TPTE: variants seen among roughly 807,000 people sequenced by gnomAD.
The protein encoded by TPTE is transmembrane phosphatase with tensin homology.
In TPTE, 59 loss-of-function variants were observed where a neutral mutation model predicts 84.1. The ratio of observed to expected loss-of-function variants is 0.70; its 90% confidence interval spans 0.57 to 0.87. TPTE has a LOEUF of 0.87. Among genes scored for constraint, TPTE ranks in the 40% least tolerant of loss-of-function variants. TPTE has a pLI of 0.00. For synonymous variants in TPTE, 130 were observed against 223.5 expected, an observed-to-expected ratio of 0.58 and a Z score of 3.73; for missense variants, 382 against 659.6, an observed-to-expected ratio of 0.58 and a Z score of 4.61.
intron 7 of TPTE, among the ~76,000 whole-genome samples, chr21:10,552,377 T>A (rs2074591538): frequency 6.6e-6 from 1 of 152,280 alleles, no homozygotes; most frequent in Non-Finnish European, 1.5e-5. Context: ...ATATACATAT[T>A]CTTTTATATA....
chr21:10,551,762 T>C (rs2074579957), intron 7 of TPTE, among the ~76,000 whole-genome samples: 2 of 152,296 alleles, frequency 1.3e-5, no homozygotes, highest in Admixed American at 1.3e-4. Context: ...TAAAAATAAT[T>C]ATTAGAGACT....
chr21:10,555,374 T>C (rs566522914), intron 8 of TPTE, among the ~76,000 whole-genome samples: 125 of 152,350 alleles, frequency 8.2e-4, no homozygotes, highest in Non-Finnish European at 1.4e-3. Context: ...GCCCAGCTAA[T>C]TTTTTGTATT....
At chr21:10,560,034 CA>C (rs1436071743) in intron 9 of TPTE, among the ~76,000 whole-genome samples, 1 of 152,302 alleles carries the variant, frequency 6.6e-6, no homozygotes, top group Non-Finnish European at 1.5e-5. Context: ...CCATGTGCCC[CA>C]TCTAATGTAA....
intron 3 of TPTE, among the ~76,000 whole-genome samples, chr21:10,536,187 A>C (rs1005141441): frequency 6.6e-6 from 1 of 152,304 alleles, no homozygotes; most frequent in Non-Finnish European, 1.5e-5. Context: ...CTGAGGAAGG[A>C]GAATTGCTTG....
intron 17 of TPTE, among the ~76,000 whole-genome samples, chr21:10,589,347 G>C (rs1600965076): frequency 6.6e-6 from 1 of 152,410 alleles, no homozygotes; most frequent in South Asian, 2.1e-4. Flanking sequence ...TGGCGCCATG[G>C]GTAAGAGCTG....
intron 6 of TPTE, among the ~76,000 whole-genome samples, chr21:10,543,050 T>A (rs1600872762): frequency 1.1e-5 from 1 of 93,928 alleles, no homozygotes; most frequent in South Asian, 3.4e-4. Context: ...TGAGACGGAG[T>A]CTCGCTCTGT....
intron 10 of TPTE, among the ~76,000 whole-genome samples, chr21:10,563,046 T>A (rs1489448371): frequency 6.6e-6 from 1 of 152,310 alleles, no homozygotes; most frequent in African/African-American, 2.4e-5. Flanking sequence ...GGCGCTACAA[T>A]ATATCTGGCA....
chr21:10,597,235 A>G (rs1053668008), intron 20 of TPTE, among the ~76,000 whole-genome samples: 61 of 152,340 alleles, frequency 4.0e-4, no homozygotes, highest in South Asian at 2.1e-4. Context: ...TTTTGGATAT[A>G]ACTATCGTAT....
At chr21:10,570,751 T>G (rs2075026740) in intron 14 of TPTE, among the ~76,000 whole-genome samples, 1 of 152,312 alleles carries the variant, frequency 6.6e-6, no homozygotes, top group South Asian at 2.1e-4. Flanking sequence ...TAACAGCAAC[T>G]ATTTATTTGG....
intron 8 of TPTE, among the ~76,000 whole-genome samples, 188 bp downstream of exon 8, chr21:10,552,904 T>A (rs1003290918): frequency 2.6e-5 from 4 of 152,282 alleles, no homozygotes; most frequent in East Asian, 1.9e-4. Context: ...GAAAAAAAAA[T>A]TCCATCCATT....
At chr21:10,587,623 C>T (rs2075390372) in intron 17 of TPTE, among the ~76,000 whole-genome samples, 1 of 152,236 alleles carries the variant, frequency 6.6e-6, no homozygotes, top group Non-Finnish European at 1.5e-5. Flanking sequence ...AGTCTTGGCT[C>T]ACTGCAACCT....
intron 8 of TPTE, among the ~76,000 whole-genome samples, chr21:10,556,524 G>A (rs1190869224): frequency 1.2e-4 from 19 of 152,422 alleles, no homozygotes; most frequent in Non-Finnish European, 2.4e-4. Context: ...TGTCTTTATA[G>A]CAGCATGATT....
At chr21:10,579,001 ATATT>A (rs1188943637) in intron 17 of TPTE, among the ~76,000 whole-genome samples, 1 of 152,312 alleles carries the variant, frequency 6.6e-6, no homozygotes, top group African/African-American at 2.4e-5. Context: ...AAAAACCAAT[ATATT>A]TATGGTGTAC....
Position 10,605,288 on chromosome 21 carries a change from A to T in TPTE, c.1521-129A>T, listed in dbSNP as rs1334054645. 3 of 1,311,194 alleles carry T rather than the reference A, an allele frequency of 2.3e-6. No homozygotes were observed. In the African/African-American group the frequency reaches 4.5e-5, roughly 20 times the overall value. The allele number at this position is 1,311,194 out of a possible 1,614,324, so 81.2% of individuals were successfully genotyped here. ...GTGGAAGGAGCCAACTGAGACACAA[A>T]AAAAGGGCTGAGGTTCTATTCATGG... On this transcript the variant is annotated intron_variant, in intron 23 of 23. Transcript: ENST00000618007.
At chr21:10,545,205 G>A (rs1215753461) in intron 7 of TPTE, among the ~76,000 whole-genome samples, 1 of 151,982 alleles carries the variant, frequency 6.6e-6, no homozygotes, top group Non-Finnish European at 1.5e-5. Context: ...AAAATACGGA[G>A]AGAAAGAAGA....
chr21:10,558,179 ATG>A (rs1479290499), intron 8 of TPTE, among the ~76,000 whole-genome samples: 1 of 152,308 alleles, frequency 6.6e-6, no homozygotes, highest in Non-Finnish European at 1.5e-5. Flanking sequence ...GGTTGATTCC[ATG>A]TCTTTGCTAT....
intron 10 of TPTE, among the ~76,000 whole-genome samples, chr21:10,565,525 C>A (rs1287564658): frequency 6.6e-6 from 1 of 152,310 alleles, no homozygotes; most frequent in East Asian, 1.9e-4. Context: ...TTATATGGAG[C>A]CACAAAAGAC....
chr21:10,590,475 T>C lies in TPTE; in HGVS notation c.1041T>C (p.Thr347=), dbSNP rs1340875198. ...TTTCTTTTCTAGATAGAACAGGAACTATGGTTTGTGCCTTCCTTATTGCCT... is the reference window on the plus strand; with the variant it reads ...TTTCTTTTCTAGATAGAACAGGAACCATGGTTTGTGCCTTCCTTATTGCCT... ...HCKGGTDRTG[T]MVCAFLIASE... Residue 347 remains threonine, a synonymous_variant, in exon 18 of 24, where the codon ACT becomes ACC. Transcript: ENST00000618007. 1 of 1,614,014 alleles carries C rather than the reference T, an allele frequency of 6.2e-7. No individual in the cohort carries two copies. Among genetic ancestry groups the C allele is most frequent in the Admixed American group, 1.7e-5 (1 of 60,014 alleles).
At chr21:10,533,777 C>T (rs1001917563) in intron 3 of TPTE, among the ~76,000 whole-genome samples, 2 of 152,308 alleles carry the variant, frequency 1.3e-5, no homozygotes, top group South Asian at 2.1e-4. Context: ...CAGGCAACTC[C>T]TCTGGGTTGT....
Sources: gnomAD v4.1 joint callset for allele counts (sites outside exome capture counted in the v4.1 genomes callset) on GRCh38, gnomAD v4.1.1 for gene constraint, MANE v1.5 for transcripts, NCBI Gene and HGNC (gene_info 2026-07-23, HGNC 2026-07-21) for gene names.